CD22: variants seen among roughly 807,000 people sequenced by gnomAD.
The protein encoded by CD22 is CD22 molecule, also known as B-cell receptor CD22.
In CD22, 51 loss-of-function variants were observed where a neutral mutation model predicts 94.7. The ratio of observed to expected loss-of-function variants is 0.54; its 90% CI spans 0.43 to 0.68. The LOEUF (loss-of-function observed/expected upper bound fraction) is 0.68. CD22 is among the 30% of genes least tolerant of loss of function. The probability of loss-of-function intolerance (pLI) is 0.00; values close to 1 mark genes in which losing one functional copy is unlikely to be tolerated. For missense variants in CD22, 931 were observed against 1,060.4 expected (o/e 0.88, Z 1.69); for synonymous variants, 424 against 422.5 (o/e 1.00, Z -0.04).
At chr19:35,342,928 A>G (rs1258852343) in intron 9 of CD22, among the ~76,000 whole-genome samples, 1 of 151,750 alleles carries the variant, frequency 6.6e-6, no homozygotes, top group Non-Finnish European at 1.5e-5. Context: ...CTCCTGCCTC[A>G]GCTCCCCGAG....
chr19:35,338,409 G>C lies in CD22; in HGVS notation c.1227G>C (p.Pro409=), dbSNP rs376828655. ...ENILGTGQRG[P]GAELDVQYPP... is the part of the protein sequence containing the mutation. ...TTCTTGGTACTGGACAGAGGGGCCC[G>C]GGAGCTGAGCTGGATGTCCAGTGTG... The change falls in exon 6 of 14, where the codon CCG becomes CCC. Residue 409 remains proline (P), a synonymous_variant. Transcript: ENST00000085219. The C allele has an allele frequency of 6.2e-7, 1 of 1,613,662 alleles. No individual in the cohort carries two copies. Among genetic ancestry groups the C allele is most frequent in the Non-Finnish European group, 8.5e-7 (1 of 1,179,688 alleles).
chr19:35,336,127 T>A lies in CD22; in HGVS notation c.504T>A (p.Tyr168Ter). Residue 168 changes from tyrosine to a stop codon, truncating the protein, a stop_gained, in exon 4 of 14, where the codon TAT becomes TAA. Transcript: ENST00000085219. LOFTEE classifies it high-confidence loss of function. ...TLTCLLNFSC[Y>*]GYPIQLQWLL... ...CCTGCTTGCTGAATTTCTCCTGCTA[T>A]GGGTATCCGATCCAATTGCAGTGGC... 12 of 1,614,146 alleles carry A rather than the reference T, an allele frequency of 7.4e-6. No homozygotes were observed. The highest frequency in any genetic ancestry group is 1.0e-5 in the Non-Finnish European group (12 of 1,180,012).
rs61743665 is a variant in CD22 at position 35,338,413 on chromosome 19, G to A, written c.1231G>A (p.Ala411Thr). The change falls in exon 6 of 14, where the codon GCT becomes ACT. Residue 411 changes from alanine (A) to threonine (T), a missense_variant. By Grantham distance (58) the Ala-to-Thr change is moderately conservative (BLOSUM62 0). Coordinates refer to ENST00000085219, the MANE Select transcript of CD22 (RefSeq NM_001771.4). ...ILGTGQRGPG[A>T]ELDVQYPPKK... ...TGGTACTGGACAGAGGGGCCCGGGA[G>A]CTGAGCTGGATGTCCAGTGTGAGTA... is the stretch of plus-strand genomic sequence containing the variant. 3 of 1,613,564 alleles carry A rather than the reference G, an allele frequency of 1.9e-6. No homozygotes were observed. The highest frequency in any genetic ancestry group is 2.5e-6 in the Non-Finnish European group (3 of 1,179,610).
intron 2 of CD22, 153 bp downstream of exon 2, chr19:35,332,227 C>T (rs2066655998): frequency 1.3e-6 from 1 of 763,060 alleles, no homozygotes; most frequent in Non-Finnish European, 2.2e-6. Context: ...ATATGTTTCC[C>T]ATATATACAT....
chr19:35,339,217 G>A (rs573373053), intron 6 of CD22, among the ~76,000 whole-genome samples: 1 of 152,108 alleles, frequency 6.6e-6, no homozygotes, highest in East Asian at 2.0e-4. Context: ...TAGCCTGGGT[G>A]ACAGAGCAAG....
rs1361595784 is a variant in CD22 at position 35,346,959 on chromosome 19, A to AT, written c.*263dup. On this transcript the variant is annotated 3_prime_UTR_variant, in exon 14 of 14. Transcript: ENST00000085219. Reference sequence around the variant, plus strand: ...CCTTGCTACCCAGAAATCCATCTAAATACCTGCCCTGACATGCACACCTCC... The same window carrying AT: ...CCTTGCTACCCAGAAATCCATCTAAATTACCTGCCCTGACATGCACACCTCC... The AT allele has an allele frequency of 3.0e-5, 12 of 400,936 alleles. No homozygotes were observed. Among genetic ancestry groups the AT allele is most frequent in the African/African-American group, 2.5e-4 (12 of 47,512 alleles). The allele number at this position is 400,936 out of a possible 1,614,324, so 24.8% of individuals were successfully genotyped here.
chr19:35,346,163 C>T lies in CD22; in HGVS notation c.2340C>T (p.Ser780=), dbSNP rs2066904241. The change falls in exon 13 of 14, where the codon TCC becomes TCT. Residue 780 remains serine, a synonymous_variant. Transcript: ENST00000085219. Reference sequence around the variant, plus strand: ...CCCTGTCTCTCAGAGATGCAGAGTCCTCAGAGATGCAGAGACCTCCCCCGG... The same window carrying T: ...CCCTGTCTCTCAGAGATGCAGAGTCTTCAGAGATGCAGAGACCTCCCCCGG... The part of the protein sequence containing the change: ...MNIPRTGDAE[S]SEMQRPPPDC... 1 of 1,613,616 alleles carries T rather than the reference C, an allele frequency of 6.2e-7. No homozygotes were observed. The highest frequency in any genetic ancestry group is 8.5e-7 in the Non-Finnish European group (1 of 1,179,664).
At position 35,332,670 on chromosome 19, in the gene CD22, T is replaced by C; in HGVS notation, c.158T>C (p.Leu53Pro). Residue 53 changes from leucine (L) to proline (P), a missense_variant, in exon 3 of 14, where the codon CTG (leucine) becomes CCG (proline). By Grantham distance (98) the Leu-to-Pro change is moderately conservative. Transcript: ENST00000085219. Reference protein sequence around the residue: ...PCTYRALDGDLESFILFHNPE... With the variant: ...PCTYRALDGDPESFILFHNPE... Reference sequence around the variant, plus strand: ...ACCTACAGAGCCCTAGATGGTGACCTGGAAAGCTTCATCCTGTTCCACAAT... The same window carrying C: ...ACCTACAGAGCCCTAGATGGTGACCCGGAAAGCTTCATCCTGTTCCACAAT... 6.2e-7 allele frequency: 1 copy of C among 1,614,106 alleles called. No individual in the cohort carries two copies. Among genetic ancestry groups the C allele is most frequent in the South Asian group, 1.1e-5 (1 of 91,072 alleles).
chr19:35,346,097 G>A, intron 12 of CD22, 54 bp from the exon 13 acceptor site: 1 of 1,360,882 alleles, frequency 7.3e-7, no homozygotes. Flanking sequence ...TGAGAGGGAG[G>A]AGAGTTCGTG....
At position 35,346,791 on chromosome 19, in the gene CD22, C is replaced by G. The variant is rs73031792; in HGVS notation, c.*94C>G. Reference sequence around the variant, plus strand: ...CACCGCCACATGGCTTCCTCCTGCGCGCATGTGCGCACACACACACACACA... The same window carrying G: ...CACCGCCACATGGCTTCCTCCTGCGGGCATGTGCGCACACACACACACACA... On this transcript the variant is annotated 3_prime_UTR_variant, in exon 14 of 14. Transcript: ENST00000085219. 2.6e-5 allele frequency: 30 copies of G among 1,157,292 alleles called. No individual in the cohort carries two copies. In the South Asian group the frequency reaches 3.2e-4, roughly 12 times the overall value. 71.7% of individuals were successfully genotyped at this position (1,157,292 alleles called of 1,614,324 possible).
chr19:35,331,807 A>G, intron 1 of CD22: 2 of 925,908 alleles, frequency 2.2e-6, no homozygotes, highest in East Asian at 3.2e-5. Context: ...AGATCACACC[A>G]CTGCACTCTA....
rs1454012779 is a variant in CD22 at position 35,341,070 on chromosome 19, C to A, written c.1439C>A (p.Thr480Lys). The A allele has an allele frequency of 2.5e-6, 4 of 1,614,102 alleles. No homozygotes were observed. Among genetic ancestry groups the A allele is most frequent in the Non-Finnish European group, 2.5e-6 (3 of 1,180,048 alleles). Residue 480 changes from threonine (T) to lysine (K), a missense_variant, in exon 7 of 14, where the codon ACA becomes AAA. Coordinates refer to ENST00000085219, the MANE Select transcript of CD22 (RefSeq NM_001771.4). The surrounding 1 kb of genome is among the most constrained non-coding windows in gnomAD (Gnocchi z 4.0). Reference sequence around the variant, plus strand: ...ATCCAAAACGTTGGCTGGGACAACACAACCATCGCCTGCGCAGCTTGTAAT... The same window carrying A: ...ATCCAAAACGTTGGCTGGGACAACAAAACCATCGCCTGCGCAGCTTGTAAT... ...LKIQNVGWDN[T>K]TIACAACNSW...
intron 6 of CD22, among the ~76,000 whole-genome samples, chr19:35,339,120 C>T (rs1947260678): frequency 1.3e-5 from 2 of 152,090 alleles, no homozygotes; most frequent in African/African-American, 2.4e-5. Context: ...CCTGTGGTCC[C>T]AGCTACTGGG....
intron 6 of CD22, 146 bp from the exon 7 acceptor site, chr19:35,340,735 T>C: frequency 3.5e-6 from 3 of 847,974 alleles, no homozygotes; most frequent in Non-Finnish European, 5.5e-6. Context: ...CTCACACAGA[T>C]GCAGGAAGGA....
At chr19:35,334,807 G>C (rs147047982) in intron 3 of CD22, among the ~76,000 whole-genome samples, 4,881 of 151,814 alleles carry the variant, frequency 0.032, 136 homozygotes, top group South Asian at 0.1. Flanking sequence ...GGCCGGGCAC[G>C]GTGGCTCACG....
chr19:35,342,074 T>A (rs1398181686), intron 9 of CD22, 109 bp downstream of exon 9: 13 of 993,364 alleles, frequency 1.3e-5, no homozygotes, highest in Non-Finnish European at 1.0e-5. Context: ...CTCTTTCTTT[T>A]CCTCCTCCTC....
intron 6 of CD22, 131 bp from the exon 7 acceptor site, chr19:35,340,750 C>G: frequency 1.0e-6 from 1 of 971,618 alleles, no homozygotes; most frequent in Middle Eastern, 2.5e-4. Context: ...GAAGGACGCA[C>G]AAGCCCCCCT....
intron 4 of CD22, chr19:35,336,746 C>T (rs1045638060): frequency 3.1e-5 from 6 of 191,472 alleles, no homozygotes; most frequent in Non-Finnish European, 3.2e-5. Context: ...TCTTGCCCCA[C>T]GCGGAGCCAG....
At chr19:35,343,099 ATTTTT>A (rs762734941) in intron 9 of CD22, among the ~76,000 whole-genome samples, 2 of 132,920 alleles carry the variant, frequency 1.5e-5, no homozygotes, top group African/African-American at 5.5e-5. Flanking sequence ...CACCCGGCTG[ATTTTT>A]TTTTTTTTTT....
Sources: allele counts gnomAD v4.1 joint callset (sites outside exome capture counted in the v4.1 genomes callset), GRCh38; gene constraint gnomAD v4.1.1; non-coding constraint Gnocchi (gnomAD v3.1); transcripts MANE v1.5; gene names NCBI Gene and HGNC (gene_info 2026-07-23, HGNC 2026-07-21).